The following KCNIP1 variants were observed in gnomAD, a reference collection of about 807,000 sequenced individuals.
The protein encoded by KCNIP1 is A-type potassium channel modulatory protein KCNIP1.
KCNIP1 carries 18 observed loss-of-function variants against 33.0 expected under a neutral mutation model. That is an observed-to-expected ratio of 0.55 (90% CI 0.38 to 0.81). The LOEUF is 0.81. KCNIP1 is among the 30% of genes least tolerant of loss of function. KCNIP1 has a pLI of 0.00. For missense variants in KCNIP1, 238 were observed against 271.6 expected (o/e 0.88, Z 0.87); for synonymous variants, 93 against 98.3 (o/e 0.95, Z 0.32).
intron 1 of KCNIP1, among the ~76,000 whole-genome samples, chr5:170,689,725 A>G (rs1258548409): frequency 6.6e-6 from 1 of 152,204 alleles, no homozygotes; most frequent in African/African-American, 2.4e-5. Flanking sequence ...AGGAGAGAAA[A>G]GCATGTTCAG....
intron 1 of KCNIP1, among the ~76,000 whole-genome samples, chr5:170,579,238 G>A (rs978702082): frequency 2.0e-5 from 3 of 152,188 alleles, no homozygotes; most frequent in African/African-American, 7.2e-5. Flanking sequence ...ACATCTAGAT[G>A]TAATGGCTTT....
intron 1 of KCNIP1, chr5:170,383,600 G>T: frequency 6.6e-7 from 1 of 1,510,280 alleles, no homozygotes. Flanking sequence ...TCTCAGCCTC[G>T]GGGACAGGGA....
chr5:170,698,555 T>C (rs2113830948), intron 1 of KCNIP1, among the ~76,000 whole-genome samples: 1 of 152,220 alleles, frequency 6.6e-6, no homozygotes, highest in African/African-American at 2.4e-5. Context: ...CATGAAGCCC[T>C]AGGCATGGGA....
In KCNIP1 at chr5:170,489,143, C is replaced by G. The variant is rs956490267; in HGVS notation, c.88+135179C>G. Among the ~76,000 whole-genome samples, 9 of 152,126 alleles carry G rather than the reference C, an allele frequency of 5.9e-5. No individual in the cohort carries two copies. The highest frequency in any genetic ancestry group is 1.5e-5 in the Non-Finnish European group (1 of 68,012). On this transcript the variant is annotated intron_variant, in intron 1 of 7. Coordinates refer to the KCNIP1 transcript ENST00000377360. This position sits in a 1 kb window ranked among gnomAD's most constrained non-coding sequence, Gnocchi z 4.3. ...AGGCGGGGAGGCTGACCCAATGGCC[C>G]CGGAATGGTGATGGAGCAGCCTGGG...
intron 1 of KCNIP1, among the ~76,000 whole-genome samples, chr5:170,414,055 G>C (rs1236934000): frequency 6.6e-6 from 1 of 152,128 alleles, no homozygotes; most frequent in Non-Finnish European, 1.5e-5. Flanking sequence ...TGGGCATGGA[G>C]TGTCAGGAGC....
chr5:170,497,292 C>T (rs1368252360), intron 1 of KCNIP1, among the ~76,000 whole-genome samples: 2 of 152,216 alleles, frequency 1.3e-5, no homozygotes, highest in African/African-American at 2.4e-5. Context: ...AATGCTTCCA[C>T]TCATTTAATC....
At chr5:170,572,098 A>G (rs1042944890) in intron 1 of KCNIP1, among the ~76,000 whole-genome samples, 16 of 152,218 alleles carry the variant, frequency 1.1e-4, no homozygotes, top group Non-Finnish European at 1.9e-4. Context: ...GAGCCTGTCT[A>G]AAGAGGCTGC....
intron 1 of KCNIP1, among the ~76,000 whole-genome samples, chr5:170,528,095 A>G (rs911426733): frequency 1.3e-5 from 2 of 152,156 alleles, no homozygotes; most frequent in African/African-American, 2.4e-5. Flanking sequence ...TGACTGCAGT[A>G]GGAGCTCAAA....
chr5:170,666,133 A>G (rs1761693074), intron 1 of KCNIP1, among the ~76,000 whole-genome samples: 1 of 152,204 alleles, frequency 6.6e-6, no homozygotes, highest in African/African-American at 2.4e-5. Context: ...TTCATGAATT[A>G]TTGGGAATTA....
At chr5:170,639,890 C>T (rs1760470491) in intron 1 of KCNIP1, among the ~76,000 whole-genome samples, 1 of 152,244 alleles carries the variant, frequency 6.6e-6, no homozygotes, top group Non-Finnish European at 1.5e-5. Flanking sequence ...TGATTTCTTT[C>T]ACACATAAAA....
intron 1 of KCNIP1, among the ~76,000 whole-genome samples, chr5:170,624,169 C>T (rs1177232605): frequency 6.6e-6 from 1 of 152,224 alleles, no homozygotes; most frequent in Non-Finnish European, 1.5e-5. Flanking sequence ...ATAGGTCATA[C>T]CCATAAATCA....
At chr5:170,404,846 A>AT (rs1754995103) in intron 1 of KCNIP1, among the ~76,000 whole-genome samples, 1 of 152,160 alleles carries the variant, frequency 6.6e-6, no homozygotes, top group Non-Finnish European at 1.5e-5. Flanking sequence ...TCCATTTTTA[A>AT]TTTATTATCG....
chr5:170,632,494 C>T (rs1416978220), intron 1 of KCNIP1, among the ~76,000 whole-genome samples: 1 of 152,266 alleles, frequency 6.6e-6, no homozygotes, highest in East Asian at 1.9e-4. Context: ...CCAGGGCGAA[C>T]CAACAGAGGC....
At chr5:170,354,700 G>T (rs191862457) in intron 1 of KCNIP1, among the ~76,000 whole-genome samples, 1 of 152,210 alleles carries the variant, frequency 6.6e-6, no homozygotes, top group Non-Finnish European at 1.5e-5. Flanking sequence ...CAGCCGGGAG[G>T]CAGAAAGAAG....
rs147086030 is a variant in KCNIP1, at chr5:170,403,791, C to A, written c.88+49827C>A. On this transcript the variant is annotated intron_variant, in intron 1 of 7. Transcript: ENST00000377360. ...TAGTTTGAGCTCAGGCCTTTACACT[C>A]CAAATGCCAGATTCCTCCTACTACG... Among the ~76,000 whole-genome samples, 21 of 152,326 alleles carry A rather than the reference C, an allele frequency of 1.4e-4. No individual in the cohort carries two copies. The East Asian group carries it at 4.0e-3, about 29-fold the overall frequency.
At chr5:170,430,786 A>T (rs192258725) in intron 1 of KCNIP1, among the ~76,000 whole-genome samples, 1 of 152,324 alleles carries the variant, frequency 6.6e-6, no homozygotes, top group Non-Finnish European at 1.5e-5. Flanking sequence ...GTGACCCACG[A>T]ATGGTAGCTG....
chr5:170,441,552 G>A (rs1325780239), intron 1 of KCNIP1, among the ~76,000 whole-genome samples: 1 of 152,158 alleles, frequency 6.6e-6, no homozygotes, highest in East Asian at 1.9e-4. Context: ...GTGCGAGACT[G>A]AGAAGCCCAG....
chr5:170,567,004 A>T (rs1294366978), intron 1 of KCNIP1, among the ~76,000 whole-genome samples: 1 of 152,220 alleles, frequency 6.6e-6, no homozygotes, highest in Non-Finnish European at 1.5e-5. Context: ...GGGACTGGGC[A>T]GAGCTGTTAC....
At chr5:170,634,729 G>C (rs1236481922) in intron 1 of KCNIP1, among the ~76,000 whole-genome samples, 1 of 152,204 alleles carries the variant, frequency 6.6e-6, no homozygotes, top group Non-Finnish European at 1.5e-5. Context: ...TGAAGCAAGA[G>C]GAAGGCCAGG....
Sources: allele counts gnomAD v4.1 joint callset (sites outside exome capture counted in the v4.1 genomes callset), GRCh38; gene constraint gnomAD v4.1.1; non-coding constraint Gnocchi (gnomAD v3.1); transcripts MANE v1.5; gene names NCBI Gene and HGNC (gene_info 2026-07-23, HGNC 2026-07-21).